FAM168A: variants seen among roughly 807,000 people sequenced by gnomAD.
FAM168A encodes the protein family with sequence similarity 168 member A.
FAM168A carries 3 observed loss-of-function variants against 28.5 expected under a neutral mutation model. The ratio of observed to expected loss-of-function variants is 0.11; its 90% CI spans 0.05 to 0.27. The LOEUF is 0.27. Among genes scored for constraint, FAM168A ranks in the 10% least tolerant of loss-of-function variants. The pLI, the probability that FAM168A is intolerant of heterozygous loss-of-function variation, is 1.00. For missense variants in FAM168A, 222 were observed against 311.5 expected (o/e 0.71, Z 2.16); for synonymous variants, 122 against 124.2 (o/e 0.98, Z 0.12).
At chr11:73,534,915 A>C (rs1198141612) in intron 1 of FAM168A, among the ~76,000 whole-genome samples, 2 of 152,180 alleles carry the variant, frequency 1.3e-5, no homozygotes, top group Non-Finnish European at 2.9e-5. Flanking sequence ...ACAGCAAAGA[A>C]GACTGTAAGT....
intron 1 of FAM168A, among the ~76,000 whole-genome samples, chr11:73,505,723 G>A (rs555768043): frequency 5.9e-5 from 9 of 152,278 alleles, no homozygotes; most frequent in African/African-American, 1.9e-4. Context: ...GGAGAAGAAC[G>A]TAACCCCTTT....
At chr11:73,588,920 A>G (rs1944348929) in intron 1 of FAM168A, among the ~76,000 whole-genome samples, 1 of 152,172 alleles carries the variant, frequency 6.6e-6, no homozygotes, top group Admixed American at 6.5e-5. Context: ...GTCCACTCGC[A>G]CTTATTCTTT....
intron 1 of FAM168A, among the ~76,000 whole-genome samples, chr11:73,575,348 CATATA>C (rs1364759335): frequency 1.3e-5 from 2 of 152,160 alleles, no homozygotes; most frequent in Non-Finnish European, 2.9e-5. Context: ...TATTAATTCA[CATATA>C]ATATTATTTT....
intron 1 of FAM168A, among the ~76,000 whole-genome samples, chr11:73,555,812 T>C (rs1943883505): frequency 6.6e-6 from 1 of 152,098 alleles, no homozygotes; most frequent in South Asian, 2.1e-4. Context: ...AGAGAACTAG[T>C]GCCTGGCAAG....
intron 1 of FAM168A, among the ~76,000 whole-genome samples, chr11:73,567,913 G>C (rs775245090): frequency 2.0e-5 from 3 of 152,208 alleles, no homozygotes; most frequent in Non-Finnish European, 4.4e-5. Context: ...GTGGTCATAA[G>C]AGACTTACCC....
At chr11:73,437,101 CT>C (rs540297714) in intron 2 of FAM168A, among the ~76,000 whole-genome samples, 322 of 145,670 alleles carry the variant, frequency 2.2e-3, no homozygotes, top group African/African-American at 3.9e-3. Context: ...TGCCAGCATA[CT>C]TTTTTTTTTT....
intron 2 of FAM168A, among the ~76,000 whole-genome samples, chr11:73,454,094 A>G (rs1282011991): frequency 2.0e-5 from 3 of 152,162 alleles, no homozygotes; most frequent in Non-Finnish European, 2.9e-5. Flanking sequence ...ACTGTAGGAG[A>G]GGGCGCTGAG....
chr11:73,468,572 G>A, intron 1 of FAM168A, 80 bp from the exon 2 acceptor site: 1 of 1,195,586 alleles, frequency 8.4e-7, no homozygotes, highest in Admixed American at 2.1e-5. Flanking sequence ...ATAATCTTCA[G>A]TTTTCCCTGA....
intron 2 of FAM168A, among the ~76,000 whole-genome samples, chr11:73,462,478 T>C (rs955967724): frequency 2.6e-5 from 4 of 152,182 alleles, no homozygotes; most frequent in East Asian, 1.9e-4. Context: ...TTAATGGATA[T>C]TGAGTGTCAG....
At chr11:73,470,766 C>T (rs185202910) in intron 1 of FAM168A, among the ~76,000 whole-genome samples, 3 of 152,198 alleles carry the variant, frequency 2.0e-5, no homozygotes, top group Admixed American at 2.0e-4. Flanking sequence ...CTGTGGTATT[C>T]TGCTATAGCA....
At chr11:73,426,664 T>G (rs1866889415) in intron 3 of FAM168A, among the ~76,000 whole-genome samples, 1 of 151,862 alleles carries the variant, frequency 6.6e-6, no homozygotes, top group South Asian at 2.1e-4. Flanking sequence ...ATGCTGTGTG[T>G]GTGTGTATGT....
intron 6 of FAM168A, among the ~76,000 whole-genome samples, chr11:73,409,004 CCCCTTCTA>C (rs1194973691): frequency 6.6e-6 from 1 of 152,008 alleles, no homozygotes; most frequent in African/African-American, 2.4e-5. Flanking sequence ...TTCCAGATCA[CCCCTTCTA>C]ATCCTGTCTC....
chr11:73,442,955 G>GATAT (rs58430278), intron 2 of FAM168A, among the ~76,000 whole-genome samples: 6,053 of 39,602 alleles, frequency 0.15, 1,072 homozygotes, highest in Middle Eastern at 0.26. Flanking sequence ...ATATACAAAG[G>GATAT]ATATATATAT....
intron 1 of FAM168A, chr11:73,580,150 C>A: frequency 1.1e-4 from 39 of 340,404 alleles, no homozygotes; most frequent in East Asian, 3.2e-4. Flanking sequence ...AAACAAAAAC[C>A]AGAAGAAGAG....
At chr11:73,561,783 T>C (rs934150909) in intron 1 of FAM168A, among the ~76,000 whole-genome samples, 2 of 152,210 alleles carry the variant, frequency 1.3e-5, no homozygotes, top group Non-Finnish European at 2.9e-5. Flanking sequence ...TTTACTTTTA[T>C]ATCTGTATCA....
At chr11:73,518,876 G>A (rs763315480) in intron 1 of FAM168A, among the ~76,000 whole-genome samples, 4 of 152,072 alleles carry the variant, frequency 2.6e-5, no homozygotes, top group Admixed American at 6.6e-5. Flanking sequence ...CAGCCTGGGA[G>A]ACAGAGTGAG....
intron 1 of FAM168A, among the ~76,000 whole-genome samples, chr11:73,521,540 A>T (rs1437609268): frequency 6.6e-6 from 1 of 152,142 alleles, no homozygotes; most frequent in South Asian, 2.1e-4. Flanking sequence ...GCTCTGGTGG[A>T]GATGGAGAGG....
intron 1 of FAM168A, among the ~76,000 whole-genome samples, chr11:73,510,295 A>G (rs1855195295): frequency 1.3e-5 from 2 of 152,208 alleles, no homozygotes; most frequent in African/African-American, 2.4e-5. Context: ...TATTAGGCAT[A>G]TCTTTGAGGG....
intron 1 of FAM168A, among the ~76,000 whole-genome samples, chr11:73,566,816 C>A (rs1290828649): frequency 2.6e-5 from 4 of 152,162 alleles, no homozygotes; most frequent in Non-Finnish European, 5.9e-5. Flanking sequence ...CTATAACAGG[C>A]ATCAACACAG....
Sources: gnomAD v4.1 joint callset for allele counts (sites outside exome capture counted in the v4.1 genomes callset) on GRCh38, gnomAD v4.1.1 for gene constraint, MANE v1.5 for transcripts, NCBI Gene and HGNC (gene_info 2026-07-23, HGNC 2026-07-21) for gene names.